PGM5: variants seen among roughly 807,000 people sequenced by gnomAD.
PGM5 encodes phosphoglucomutase 5, also known as phosphoglucomutase-like protein 5.
A neutral mutation model predicts 59.2 loss-of-function variants in PGM5; 23 were observed. The observed-to-expected ratio is 0.39, with a 90% CI of 0.28 to 0.55. The LOEUF (loss-of-function observed/expected upper bound fraction) is 0.55, where lower values mean the gene tolerates loss of function less well. PGM5 is among the 20% of genes least tolerant of loss of function. The pLI, the probability that PGM5 is intolerant of heterozygous loss-of-function variation, is 0.66. For synonymous variants in PGM5, 214 were observed against 286.0 expected (o/e 0.75, Z 2.54); for missense variants, 574 against 748.3 (o/e 0.77, Z 2.72).
chr9:68,487,458 G>GCACTTACA (rs1554687617), intron 9 of PGM5, among the ~76,000 whole-genome samples: 16 of 90,668 alleles, frequency 1.8e-4, no homozygotes, highest in Non-Finnish European at 2.8e-4. Flanking sequence ...TGTGTCACAC[G>GCACTTACA]CACATACACA....
At chr9:68,368,413 C>G (rs1166274402) in intron 1 of PGM5, among the ~76,000 whole-genome samples, 2 of 151,140 alleles carry the variant, frequency 1.3e-5, no homozygotes, top group Admixed American at 6.6e-5. Context: ...GATCAGGTAG[C>G]AAGCCGGTTC....
intron 6 of PGM5, among the ~76,000 whole-genome samples, chr9:68,401,552 A>G (rs1387086167): frequency 2.6e-5 from 4 of 151,958 alleles, no homozygotes; most frequent in Admixed American, 2.6e-4. Flanking sequence ...GAAGCTCCTT[A>G]GAATCGCCCT....
rs1326054033 is a variant in PGM5, at chr9:68,383,882, T to C, written c.425-516T>C. 3.9e-5 allele frequency among the ~76,000 whole-genome samples: 6 copies of C among 152,052 alleles called. No individual in the cohort carries two copies. The East Asian group carries it at 1.2e-3, about 29-fold the overall frequency. The stretch of plus-strand genomic sequence containing the variant: ...ACATATTTTTAGTTGAGCTTCATTT[T>C]GGAAGTGACTAGAGATTGTGAGTTG... On this transcript the variant is annotated intron_variant, in intron 2 of 10. Transcript: ENST00000396396.
intron 7 of PGM5, among the ~76,000 whole-genome samples, chr9:68,475,081 T>G (rs1489959020): frequency 6.6e-6 from 1 of 151,726 alleles, no homozygotes; most frequent in East Asian, 1.9e-4. Context: ...TGGTGTGATC[T>G]CAGCTCACTG....
chr9:68,452,741 G>A (rs547110728), intron 6 of PGM5, among the ~76,000 whole-genome samples: 1 of 152,276 alleles, frequency 6.6e-6, no homozygotes, highest in Non-Finnish European at 1.5e-5. Flanking sequence ...TCCCCACTAG[G>A]CTAGTCCCAG....
At chr9:68,420,189 G>A (rs1000366634) in intron 6 of PGM5, among the ~76,000 whole-genome samples, 1 of 152,158 alleles carries the variant, frequency 6.6e-6, no homozygotes, top group Non-Finnish European at 1.5e-5. Flanking sequence ...CTAGAGTTAT[G>A]TTCCTCCCAG....
intron 10 of PGM5, among the ~76,000 whole-genome samples, chr9:68,504,430 C>T (rs782741438): frequency 1.8e-4 from 27 of 152,260 alleles, no homozygotes; most frequent in Admixed American, 3.9e-4. Flanking sequence ...CTGGAAATGG[C>T]CCCCTTCTCC....
chr9:68,357,999 A>T (rs1258947033), intron 1 of PGM5: 8 of 156,368 alleles, frequency 5.1e-5, no homozygotes, highest in African/African-American at 1.9e-4. Context: ...TAGGCCCTGA[A>T]GGTTTTTATT....
At chr9:68,373,764 A>G (rs1416437544) in intron 1 of PGM5, among the ~76,000 whole-genome samples, 20 of 152,332 alleles carry the variant, frequency 1.3e-4, no homozygotes, top group Non-Finnish European at 2.1e-4. Flanking sequence ...CACTCACACC[A>G]TAGTCCAATG....
intron 6 of PGM5, 40 bp downstream of exon 6, chr9:68,392,513 C>A (rs782617463): frequency 1.2e-6 from 2 of 1,601,412 alleles, no homozygotes; most frequent in East Asian, 2.3e-5. Flanking sequence ...TATGGTAGAC[C>A]TTTGGCGTTG....
At chr9:68,384,283 A>C in intron 2 of PGM5, 115 bp from the exon 3 acceptor site, 1 of 708,212 alleles carries the variant, frequency 1.4e-6, no homozygotes, top group Non-Finnish European at 2.5e-6. Context: ...ACCATTGATC[A>C]TTGTTTAGAG....
intron 6 of PGM5, chr9:68,428,881 C>CA (rs1364639277): frequency 6.6e-6 from 1 of 152,156 alleles, no homozygotes; most frequent in Non-Finnish European, 1.5e-5. Context: ...TGATTTCATG[C>CA]AAAAAGTTAC....
intron 6 of PGM5, among the ~76,000 whole-genome samples, chr9:68,456,228 C>G (rs1268894198): frequency 6.7e-6 from 1 of 148,714 alleles, no homozygotes; most frequent in Non-Finnish European, 1.5e-5. Flanking sequence ...ATCTTGCTGT[C>G]TTTTTTTTTC....
chr9:68,418,929 T>A (rs1460756237), intron 6 of PGM5, among the ~76,000 whole-genome samples: 1 of 152,098 alleles, frequency 6.6e-6, no homozygotes, highest in Non-Finnish European at 1.5e-5. Context: ...GAACCAGGCT[T>A]ATGCGAGCTT....
chr9:68,471,488 G>A (rs1417846647), intron 7 of PGM5, among the ~76,000 whole-genome samples: 1 of 152,000 alleles, frequency 6.6e-6, no homozygotes, highest in South Asian at 2.1e-4. Flanking sequence ...TTCAGTGTAT[G>A]ACCTGTCAAG....
intron 6 of PGM5, chr9:68,395,597 T>C (rs1822479119): frequency 2.0e-5 from 3 of 152,166 alleles, no homozygotes; most frequent in Admixed American, 2.0e-4. Context: ...TCTATTTAGG[T>C]TTTCTTTAAT....
intron 10 of PGM5, among the ~76,000 whole-genome samples, chr9:68,512,626 T>G (rs1013486722): frequency 3.3e-5 from 5 of 152,230 alleles, no homozygotes; most frequent in Non-Finnish European, 7.3e-5. Flanking sequence ...AAATTTCCCC[T>G]TTTAATAAGG....
intron 6 of PGM5, among the ~76,000 whole-genome samples, chr9:68,407,761 C>T (rs1431022981): frequency 2.0e-5 from 3 of 152,094 alleles, no homozygotes; most frequent in African/African-American, 4.8e-5. Flanking sequence ...AGCATTTGTT[C>T]ATTTTATAAC....
intron 6 of PGM5, among the ~76,000 whole-genome samples, chr9:68,418,113 C>A (rs1456303406): frequency 6.6e-6 from 1 of 152,216 alleles, no homozygotes; most frequent in African/African-American, 2.4e-5. Context: ...CTTTGTCCTT[C>A]ACTATATCAC....
Sources: allele counts gnomAD v4.1 joint callset (sites outside exome capture counted in the v4.1 genomes callset), GRCh38; gene constraint gnomAD v4.1.1; transcripts MANE v1.5; gene names NCBI Gene and HGNC (gene_info 2026-07-23, HGNC 2026-07-21).